Variants in SLC24A1 observed in about 807,000 individuals in gnomAD.
SLC24A1 encodes sodium/potassium/calcium exchanger 1.
SLC24A1 carries 52 observed loss-of-function variants against 88.1 expected under a neutral mutation model. The ratio of observed to expected loss-of-function variants is 0.59; its 90% CI spans 0.47 to 0.74. The LOEUF is 0.74. Among genes scored for constraint, SLC24A1 ranks in the 30% least tolerant of loss-of-function variants. The pLI, the probability that SLC24A1 is intolerant of heterozygous loss-of-function variation, is 0.00. For missense variants in SLC24A1, 1,173 were observed against 1,363.3 expected (o/e 0.86, Z 2.20); for synonymous variants, 455 against 498.0 (o/e 0.91, Z 1.15).
rs950980457 is a variant in SLC24A1 at position 65,625,623 on chromosome 15, G to A, written c.1543G>A (p.Gly515Ser). ...TCCTGAGCTCTTCACCTCCCTCATC[G>A]GTGTCTTCATTTCCCACAGCAACGT... is the stretch of plus-strand genomic sequence containing the variant. ...SAPELFTSLI[G>S]VFISHSNVGI... Residue 515 changes from glycine (G) to serine (S), a missense_variant, in exon 2 of 10, where the codon GGT becomes AGT. Physicochemically the swap from Gly to Ser is moderately conservative, Grantham distance 56. Coordinates refer to ENST00000261892, the MANE Select transcript of SLC24A1 (RefSeq NM_004727.3). The A allele has an allele frequency of 6.8e-6, 11 of 1,613,860 alleles. No individual in the cohort carries two copies. The highest frequency in any genetic ancestry group is 1.6e-4 in the Middle Eastern group (1 of 6,084).
upstream of SLC24A1, among the ~76,000 whole-genome samples, chr15:65,618,160 T>C (rs547114150): frequency 3.3e-5 from 5 of 152,246 alleles, no homozygotes; most frequent in Admixed American, 6.5e-5. Context: ...ATTCTATATC[T>C]ATTGGTGACA....
chr15:65,630,513 A>T (rs189385980), intron 2 of SLC24A1, among the ~76,000 whole-genome samples: 5 of 152,072 alleles, frequency 3.3e-5, no homozygotes, highest in African/African-American at 7.2e-5. Context: ...TCCTGCCTAC[A>T]CTAGACTCCA....
intron 2 of SLC24A1, among the ~76,000 whole-genome samples, chr15:65,631,251 A>G (rs1173660681): frequency 1.3e-5 from 2 of 152,238 alleles, no homozygotes; most frequent in African/African-American, 4.8e-5. Context: ...ATGGTGTTCT[A>G]CAAAGAACAG....
chr15:65,619,594 T>C (rs572838149), upstream of SLC24A1, among the ~76,000 whole-genome samples: 1 of 152,224 alleles, frequency 6.6e-6, no homozygotes, highest in South Asian at 2.1e-4. Flanking sequence ...TTGTCTACTT[T>C]CTACTGTACA....
At chr15:65,653,387 A>C (rs1270067801) in intron 9 of SLC24A1, among the ~76,000 whole-genome samples, 1 of 152,146 alleles carries the variant, frequency 6.6e-6, no homozygotes, top group East Asian at 1.9e-4. Flanking sequence ...GGGGCAGCTA[A>C]AAAGGCAGCC....
chr15:65,649,925 G>A (rs962277094), intron 6 of SLC24A1, among the ~76,000 whole-genome samples: 54 of 152,130 alleles, frequency 3.5e-4, no homozygotes, highest in African/African-American at 1.3e-3. Flanking sequence ...CCTCCTCCTG[G>A]GATATAAGCT....
intron 4 of SLC24A1, chr15:65,643,051 ATTG>A (rs758093292): frequency 1.9e-4 from 243 of 1,286,148 alleles, no homozygotes; most frequent in South Asian, 7.9e-4. Flanking sequence ...TGTTTTCATC[ATTG>A]TTGTTGTTGT....
At chr15:65,639,189 G>T (rs1385957333) in intron 3 of SLC24A1, among the ~76,000 whole-genome samples, 1 of 152,136 alleles carries the variant, frequency 6.6e-6, no homozygotes, top group African/African-American at 2.4e-5. Flanking sequence ...GTGGGGCAAT[G>T]ATAAAACGTG....
At chr15:65,613,498 GT>G (rs986680583) in intron 2 of SLC24A1, among the ~76,000 whole-genome samples, 4 of 151,928 alleles carry the variant, frequency 2.6e-5, no homozygotes, top group African/African-American at 9.7e-5. Flanking sequence ...GTGTGTGTGT[GT>G]GTGTGGTGAC....
rs56960432 is a variant in SLC24A1 at position 65,635,446 on chromosome 15, CAAAA to C, written c.1891-2661_1891-2658del. 6.2e-4 allele frequency among the ~76,000 whole-genome samples: 36 copies of C among 58,352 alleles called. No homozygotes were observed. The South Asian group carries it at 0.024, about 39-fold the overall frequency. The allele number at this position is 58,352 out of a possible 152,430, so 38.3% of individuals were successfully genotyped here. On this transcript the variant is annotated intron_variant, in intron 2 of 9. Coordinates refer to ENST00000261892, the MANE Select transcript of SLC24A1 (RefSeq NM_004727.3). ...TGGCAACAGAGTGAGACTCCGTCTC[CAAAA>C]AAAAAAAAAAAAAAAAAAAAGAAAA...
In SLC24A1 at chr15:65,624,266, G is replaced by A. The variant is rs1219418752; in HGVS notation, c.186G>A (p.Leu62=). 14 of 1,613,668 alleles carry A rather than the reference G, an allele frequency of 8.7e-6. No homozygotes were observed. Among genetic ancestry groups the A allele is most frequent in the African/African-American group, 1.3e-5 (1 of 74,854 alleles). The change falls in exon 2 of 10, where the codon CTG becomes CTA. Residue 62 remains leucine (L), a synonymous_variant. Transcript: ENST00000261892. ...AAVSSHQPIK[L]ASRDLSSEEM... ...TCTCTTCTCATCAGCCTATAAAACT[G>A]GCCAGTCGGGACCTCTCCAGTGAAG...
Position 65,624,528 on chromosome 15 carries a change from A to T in SLC24A1, c.448A>T (p.Thr150Ser). 40 of 1,602,902 alleles carry T rather than the reference A, an allele frequency of 2.5e-5. No homozygotes were observed. Among genetic ancestry groups the T allele is most frequent in the Non-Finnish European group, 3.3e-5 (39 of 1,174,342 alleles). Residue 150 changes from threonine (T) to serine (S), a missense_variant, in exon 2 of 10, where the codon ACA (threonine) becomes TCA (serine). Transcript: ENST00000261892. The stretch of plus-strand genomic sequence containing the variant: ...GGAAGACACCCCAACATCCAGTAGA[A>T]CACTGACTTACTACACCTCAACTTC... ...RKEDTPTSSR[T>S]LTYYTSTSSR...
chr15:65,613,599 C>G (rs1459760730), intron 2 of SLC24A1, among the ~76,000 whole-genome samples: 1 of 151,992 alleles, frequency 6.6e-6, no homozygotes, highest in Non-Finnish European at 1.5e-5. Context: ...CCCCCCCAAC[C>G]TCAACCTCCC....
At chr15:65,613,077 G>A (rs1184266700) in intron 2 of SLC24A1, among the ~76,000 whole-genome samples, 1 of 152,196 alleles carries the variant, frequency 6.6e-6, no homozygotes, top group Non-Finnish European at 1.5e-5. Context: ...TAAAGGGGGT[G>A]TCTTTCAAGC....
intron 4 of SLC24A1, among the ~76,000 whole-genome samples, chr15:65,641,816 A>G (rs1161853215): frequency 6.6e-6 from 1 of 152,238 alleles, no homozygotes; most frequent in Non-Finnish European, 1.5e-5. Flanking sequence ...GAGGGCCCCC[A>G]GCTGGGCATC....
chr15:65,621,768 A>G (rs899721593), upstream of SLC24A1, among the ~76,000 whole-genome samples: 2 of 152,114 alleles, frequency 1.3e-5, no homozygotes, highest in Non-Finnish European at 2.9e-5. Flanking sequence ...CAGTTCCTCC[A>G]TTGACTTTGT....
At chr15:65,611,886 T>C (rs2073964633) in intron 1 of SLC24A1, 1 of 152,298 alleles carries the variant, frequency 6.6e-6, no homozygotes, top group Admixed American at 6.5e-5. Context: ...ACCCCAAAAC[T>C]GTAATTCCTG....
Position 65,629,703 on chromosome 15 carries a change from A to AG in SLC24A1, c.1890+3733_1890+3734insG, listed in dbSNP as rs751412922. Among the ~76,000 whole-genome samples the AG allele has an allele frequency of 1.8e-3, 281 of 152,344 alleles. 2 individuals carry two copies. The highest frequency in any genetic ancestry group is 6.8e-3 in the Middle Eastern group (2 of 294). The stretch of plus-strand genomic sequence containing the variant: ...GGCGCTAGGCTGGCTGAAAAGCATT[A>AG]TTGGTATTTGAAGGACAGCAGGGGC... On this transcript the variant is annotated intron_variant, in intron 2 of 9. Coordinates refer to ENST00000261892, the MANE Select transcript of SLC24A1 (RefSeq NM_004727.3).
chr15:65,630,457 C>A (rs2074677892), intron 2 of SLC24A1, among the ~76,000 whole-genome samples: 2 of 152,166 alleles, frequency 1.3e-5, no homozygotes, highest in Non-Finnish European at 2.9e-5. Context: ...AGGCAAGGGG[C>A]TGTGTGCAGG....
Sources: allele counts gnomAD v4.1 joint callset (sites outside exome capture counted in the v4.1 genomes callset), GRCh38; gene constraint gnomAD v4.1.1; transcripts MANE v1.5; gene names NCBI Gene and HGNC (gene_info 2026-07-23, HGNC 2026-07-21).